Variants in LPGAT1 observed in about 807,000 individuals in gnomAD.
LPGAT1 encodes acyl-CoA:lysophosphatidylglycerol acyltransferase 1.
LPGAT1 carries 11 observed loss-of-function variants against 47.5 expected under a neutral mutation model. The ratio of observed to expected loss-of-function variants is 0.23; its 90% CI spans 0.15 to 0.38. LPGAT1 has a LOEUF of 0.38. Ranked by LOEUF, LPGAT1 falls within the 10% of genes least tolerant of loss-of-function variation. LPGAT1 has a pLI of 1.00. For missense variants in LPGAT1, 293 were observed against 439.0 expected, an observed-to-expected ratio of 0.67 and a Z score of 2.97; for synonymous variants, 138 against 144.2, an observed-to-expected ratio of 0.96 and a Z score of 0.31.
At chr1:211,767,606 T>C (rs891491414) in intron 6 of LPGAT1, among the ~76,000 whole-genome samples, 3 of 152,194 alleles carry the variant, frequency 2.0e-5, no homozygotes, top group Non-Finnish European at 4.4e-5. Context: ...GAACAGTGAC[T>C]GATGGCGAAA....
chr1:211,818,385 T>C (rs12076991), intron 2 of LPGAT1, among the ~76,000 whole-genome samples: 53,552 of 152,026 alleles, frequency 0.35, 10,166 homozygotes, highest in Non-Finnish European at 0.43. Flanking sequence ...AGCAAATCGT[T>C]ACTATGCAGG....
At chr1:211,776,905 G>A (rs1658428215) in intron 6 of LPGAT1, among the ~76,000 whole-genome samples, 1 of 152,114 alleles carries the variant, frequency 6.6e-6, no homozygotes, top group Non-Finnish European at 1.5e-5. Context: ...ACTTTAAGCA[G>A]TTGATACTAC....
At chr1:211,829,762 TCAC>T in intron 1 of LPGAT1, 18 of 996,164 alleles carry the variant, frequency 1.8e-5, no homozygotes, top group South Asian at 4.4e-5. Flanking sequence ...CTCAGTCTCC[TCAC>T]CACCACGATT....
At chr1:211,754,696 A>G (rs1024748047) in intron 6 of LPGAT1, among the ~76,000 whole-genome samples, 1 of 152,154 alleles carries the variant, frequency 6.6e-6, no homozygotes, top group African/African-American at 2.4e-5. Context: ...TAGGGATTTG[A>G]AAATTATAAT....
At chr1:211,775,719 G>T (rs771193363) in intron 6 of LPGAT1, among the ~76,000 whole-genome samples, 1 of 151,774 alleles carries the variant, frequency 6.6e-6, no homozygotes, top group Non-Finnish European at 1.5e-5. Context: ...ACCTGAGGTC[G>T]GGAGTTCGAG....
intron 2 of LPGAT1, among the ~76,000 whole-genome samples, chr1:211,823,083 A>C (rs1660417874): frequency 1.3e-5 from 2 of 152,230 alleles, no homozygotes; most frequent in African/African-American, 4.8e-5. Context: ...GGTAGTAAAA[A>C]TTAAGAAACA....
intron 2 of LPGAT1, among the ~76,000 whole-genome samples, chr1:211,805,461 C>A (rs1479185474): frequency 6.6e-6 from 1 of 152,076 alleles, no homozygotes; most frequent in Non-Finnish European, 1.5e-5. Context: ...TCACTCTCAT[C>A]CCATCATAAA....
chr1:211,772,346 C>T (rs149789416), intron 6 of LPGAT1, among the ~76,000 whole-genome samples: 52 of 152,258 alleles, frequency 3.4e-4, no homozygotes, highest in Non-Finnish European at 5.7e-4. Flanking sequence ...AACTTGACAT[C>T]TAGTAGGAAG....
intron 3 of LPGAT1, among the ~76,000 whole-genome samples, chr1:211,790,176 CT>C (rs1035264737): frequency 6.6e-6 from 1 of 152,002 alleles, no homozygotes; most frequent in African/African-American, 2.4e-5. Context: ...AGTATGGAAA[CT>C]GCAGGATAAT....
chr1:211,784,214 A>T (rs1658754022), intron 4 of LPGAT1, among the ~76,000 whole-genome samples: 1 of 152,190 alleles, frequency 6.6e-6, no homozygotes, highest in South Asian at 2.1e-4. Flanking sequence ...TATGCATGGT[A>T]AGTAGTTTTG....
intron 2 of LPGAT1, among the ~76,000 whole-genome samples, chr1:211,824,036 T>C (rs1322502434): frequency 6.6e-6 from 1 of 152,048 alleles, no homozygotes; most frequent in Non-Finnish European, 1.5e-5. Context: ...TGGACTGCAA[T>C]GACCTTGATA....
chr1:211,790,077 C>T (rs1039213751), intron 3 of LPGAT1, among the ~76,000 whole-genome samples: 4 of 152,074 alleles, frequency 2.6e-5, no homozygotes, highest in South Asian at 2.1e-4. Context: ...AGATTTTCTA[C>T]GTATCAAAAC....
chr1:211,818,774 A>G (rs79986482), intron 2 of LPGAT1, among the ~76,000 whole-genome samples: 3,604 of 152,262 alleles, frequency 0.024, 66 homozygotes, highest in Non-Finnish European at 0.03. Context: ...TAAAGTACCA[A>G]AGGTAACTCA....
Position 211,823,345 on chromosome 1 carries a change from T to C in LPGAT1, c.238+5714A>G, listed in dbSNP as rs77975780. On this transcript the variant is annotated intron_variant, in intron 2 of 7. Transcript: ENST00000366997. ...TCTTAGCTAATATAATCACCACAAA[T>C]ATACATATTCCATCTCTTAAATGAA... 3.1e-3 allele frequency among the ~76,000 whole-genome samples: 472 copies of C among 152,300 alleles called. 1 individual carries two copies. Among genetic ancestry groups the C allele is most frequent in the African/African-American group, 0.011 (450 of 41,540 alleles).
At chr1:211,760,821 G>A (rs1183196781) in intron 6 of LPGAT1, among the ~76,000 whole-genome samples, 1 of 152,126 alleles carries the variant, frequency 6.6e-6, no homozygotes, top group Non-Finnish European at 1.5e-5. Flanking sequence ...AACTATTCAG[G>A]AAATCTAATT....
Position 211,783,392 on chromosome 1 carries a change from G to C in LPGAT1, c.564C>G (p.Leu188=). 6.2e-7 allele frequency: 1 copy of C among 1,614,116 alleles called. No individual in the cohort carries two copies. The highest frequency in any genetic ancestry group is 8.5e-7 in the Non-Finnish European group (1 of 1,180,018). Residue 188 remains leucine, a synonymous_variant, in exon 5 of 8, where the codon CTC becomes CTG. Transcript: ENST00000366997. ...CCTGACTTGTTTCTCGCCTCTTCCT[G>C]AGGAAGCCCCCTTCTGGAAACAAAA... The part of the protein sequence containing the change: ...WIVLFPEGGF[L]RKRRETSQAF...
At chr1:211,750,880 T>C in intron 7 of LPGAT1, 81 bp downstream of exon 7, 1 of 1,018,856 alleles carries the variant, frequency 9.8e-7, no homozygotes, top group South Asian at 1.5e-5. Context: ...TTTCAAGATC[T>C]AATATGCAAA....
chr1:211,786,141 T>A (rs528961638), intron 4 of LPGAT1, among the ~76,000 whole-genome samples: 6 of 152,310 alleles, frequency 3.9e-5, no homozygotes, highest in Non-Finnish European at 7.3e-5. Context: ...CCACTCCCCA[T>A]TGCCACTTCT....
rs1352275032 is a variant in LPGAT1, at chr1:211,773,137, T to C, written c.854+5781A>G. On this transcript the variant is annotated intron_variant, in intron 6 of 7. Transcript: ENST00000366997. ...ATGTGCATTTTCACCTTAATAAGTA[T>C]AGTCAATTAGTTCTCAAAGTGGTCA... is the stretch of plus-strand genomic sequence containing the variant. Among the ~76,000 whole-genome samples the C allele has an allele frequency of 5.3e-5, 8 of 152,168 alleles. No individual in the cohort carries two copies. The East Asian group carries it at 5.8e-4, about 11-fold the overall frequency.
Sources: gnomAD v4.1 joint callset for allele counts (sites outside exome capture counted in the v4.1 genomes callset) on GRCh38, gnomAD v4.1.1 for gene constraint, MANE v1.5 for transcripts, NCBI Gene and HGNC (gene_info 2026-07-23, HGNC 2026-07-21) for gene names.